The following PDLIM1 variants were observed in gnomAD, a reference collection of about 807,000 sequenced individuals.
The protein encoded by PDLIM1 is PDZ and LIM domain protein 1.
In PDLIM1, 25 loss-of-function variants were observed where a neutral mutation model predicts 35.2. The ratio of observed to expected loss-of-function variants is 0.71; its 90% CI spans 0.52 to 0.99. The LOEUF (loss-of-function observed/expected upper bound fraction) is 0.99, where lower values mean the gene tolerates loss of function less well. Among genes scored for constraint, PDLIM1 ranks in the 50% least tolerant of loss-of-function variants. PDLIM1 has a pLI of 0.00. For synonymous variants in PDLIM1, 152 were observed against 154.0 expected (o/e 0.99, Z 0.10); for missense variants, 363 against 415.3 (o/e 0.87, Z 1.09).
chr10:95,270,109 CA>C (rs1410421615), intron 2 of PDLIM1, among the ~76,000 whole-genome samples: 1 of 151,934 alleles, frequency 6.6e-6, no homozygotes, highest in African/African-American at 2.4e-5. Context: ...TGCCGGTAAA[CA>C]AATAAAAAAT....
At chr10:95,283,839 C>T (rs1215170664) in intron 1 of PDLIM1, among the ~76,000 whole-genome samples, 1 of 152,240 alleles carries the variant, frequency 6.6e-6, no homozygotes, top group African/African-American at 2.4e-5. Context: ...CTAAACCTCC[C>T]TGTGCCCGCC....
At chr10:95,268,216 T>G (rs571985197) in intron 3 of PDLIM1, among the ~76,000 whole-genome samples, 1 of 152,160 alleles carries the variant, frequency 6.6e-6, no homozygotes, top group Admixed American at 6.5e-5. Context: ...TTGTACACTA[T>G]GTACTGCTTT....
At chr10:95,256,085 T>C (rs949369035) in intron 4 of PDLIM1, among the ~76,000 whole-genome samples, 1 of 152,140 alleles carries the variant, frequency 6.6e-6, no homozygotes, top group Admixed American at 6.5e-5. Flanking sequence ...AAATACCTAA[T>C]AAACTTAACC....
At chr10:95,279,430 C>A (rs1446941343) in intron 1 of PDLIM1, among the ~76,000 whole-genome samples, 1 of 152,200 alleles carries the variant, frequency 6.6e-6, no homozygotes, top group Admixed American at 6.5e-5. Flanking sequence ...TAACTACCTT[C>A]TTGACTCTTC....
intron 4 of PDLIM1, among the ~76,000 whole-genome samples, chr10:95,257,961 C>A (rs1377392852): frequency 6.6e-6 from 1 of 152,190 alleles, no homozygotes; most frequent in Non-Finnish European, 1.5e-5. Flanking sequence ...CAAGACTGGG[C>A]AATTTACAGA....
intron 1 of PDLIM1, among the ~76,000 whole-genome samples, chr10:95,276,815 G>A (rs2035515173): frequency 7.0e-6 from 1 of 143,574 alleles, no homozygotes; most frequent in African/African-American, 2.6e-5. Flanking sequence ...TAACCAACTA[G>A]GCCACACTAT....
chr10:95,270,679 GT>G (rs1456588392), intron 2 of PDLIM1, among the ~76,000 whole-genome samples: 10 of 152,242 alleles, frequency 6.6e-5, no homozygotes, highest in African/African-American at 2.4e-4. Context: ...ATGTGTTCAA[GT>G]TTTTCTCTGT....
chr10:95,283,748 G>A (rs1008784437), intron 1 of PDLIM1, among the ~76,000 whole-genome samples: 9 of 152,134 alleles, frequency 5.9e-5, no homozygotes, highest in African/African-American at 1.7e-4. Flanking sequence ...AAATGGTAAC[G>A]ATACAGCTGA....
chr10:95,252,895 G>A (rs1349427163), intron 4 of PDLIM1, among the ~76,000 whole-genome samples: 1 of 151,996 alleles, frequency 6.6e-6, no homozygotes, highest in East Asian at 1.9e-4. Context: ...CAAACCTATG[G>A]GAATATATAA....
chr10:95,264,082 G>A lies in PDLIM1; in HGVS notation c.334-19C>T. The A allele has an allele frequency of 1.2e-6, 2 of 1,609,672 alleles. No homozygotes were observed. Among genetic ancestry groups the A allele is most frequent in the Middle Eastern group, 1.9e-4 (1 of 5,374 alleles). On this transcript the variant is annotated intron_variant, in intron 3 of 6. Transcript: ENST00000329399. ...GGACCTCCTGCAGGCAGGGATCAGAGGAGAAATCAAGGGGGGCATCCAATG... is the reference window on the plus strand; with the variant it reads ...GGACCTCCTGCAGGCAGGGATCAGAAGAGAAATCAAGGGGGGCATCCAATG...
intron 1 of PDLIM1, among the ~76,000 whole-genome samples, chr10:95,279,497 A>AC (rs2035541830): frequency 2.0e-5 from 3 of 152,070 alleles, no homozygotes; most frequent in African/African-American, 7.2e-5. Flanking sequence ...GGCAATTCAA[A>AC]CCCCAACTCT....
chr10:95,255,900 T>TACACACACACACACAC (rs59292355), intron 4 of PDLIM1, among the ~76,000 whole-genome samples: 107 of 138,958 alleles, frequency 7.7e-4, no homozygotes, highest in South Asian at 3.0e-3. Context: ...CCCCCCCCAC[T>TACACACACACACACAC]ACACACACAC....
At chr10:95,255,819 T>C (rs45534735) in intron 4 of PDLIM1, among the ~76,000 whole-genome samples, 277 of 151,086 alleles carry the variant, frequency 1.8e-3, no homozygotes, top group African/African-American at 6.5e-3. Flanking sequence ...GGCATCCAAA[T>C]TGGGAAGGAA....
At chr10:95,266,670 C>T (rs1289341536) in intron 3 of PDLIM1, among the ~76,000 whole-genome samples, 1 of 152,154 alleles carries the variant, frequency 6.6e-6, no homozygotes, top group Admixed American at 6.5e-5. Context: ...CTTCTCCCTC[C>T]ACCGAAACAC....
intron 1 of PDLIM1, among the ~76,000 whole-genome samples, chr10:95,283,020 A>G (rs987129596): frequency 2.0e-5 from 3 of 152,182 alleles, no homozygotes; most frequent in Non-Finnish European, 2.9e-5. Flanking sequence ...TCCAACAGCT[A>G]CCACCCATAA....
At chr10:95,261,482 A>AAAGC (rs2035361839) in intron 4 of PDLIM1, among the ~76,000 whole-genome samples, 1 of 152,022 alleles carries the variant, frequency 6.6e-6, no homozygotes, top group African/African-American at 2.4e-5. Context: ...GCCTAGGGGG[A>AAAGC]CCAGTATGAC....
chr10:95,248,900 C>T (rs2035244967), intron 4 of PDLIM1, among the ~76,000 whole-genome samples: 1 of 152,236 alleles, frequency 6.6e-6, no homozygotes, highest in African/African-American at 2.4e-5. Context: ...GGTCTCTGCT[C>T]AAGTGCACTC....
intron 1 of PDLIM1, among the ~76,000 whole-genome samples, chr10:95,281,059 C>T (rs1248112011): frequency 6.6e-6 from 1 of 152,156 alleles, no homozygotes; most frequent in East Asian, 1.9e-4. Context: ...GGTTTGGAAA[C>T]ACCAAGAGAG....
At position 95,237,679 on chromosome 10, in the gene PDLIM1, G is replaced by A. The variant is rs990667431; in HGVS notation, c.*246C>T. The A allele has an allele frequency of 1.7e-5, 8 of 475,482 alleles. No homozygotes were observed. Among genetic ancestry groups the A allele is most frequent in the Admixed American group, 3.6e-5 (1 of 28,060 alleles). 29.5% of individuals were successfully genotyped at this position (475,482 alleles called of 1,614,324 possible). A position where few individuals can be genotyped will look rare whatever the true frequency, so the allele number is the denominator to read the frequency against. On this transcript the variant is annotated 3_prime_UTR_variant, in exon 7 of 7. Transcript: ENST00000329399. ...TCCAAATGCAGCAGAGAAGAACGGT[G>A]GGGCGAAGGGACACAGTGTTGCTGA...
Sources: gnomAD v4.1 joint callset for allele counts (sites outside exome capture counted in the v4.1 genomes callset) on GRCh38, gnomAD v4.1.1 for gene constraint, MANE v1.5 for transcripts, NCBI Gene and HGNC (gene_info 2026-07-23, HGNC 2026-07-21) for gene names.